The following KDM6A variants were observed in gnomAD, a reference collection of about 807,000 sequenced individuals.
The protein encoded by KDM6A is lysine-specific demethylase 6A.
Under a neutral mutation model 117.6 loss-of-function variants are expected in KDM6A, and 11 were observed. That is an observed-to-expected ratio of 0.09 (90% confidence interval 0.06 to 0.15). KDM6A has a LOEUF of 0.15. Ranked by LOEUF, KDM6A falls within the 10% of genes least tolerant of loss-of-function variation. The probability of loss-of-function intolerance (pLI) is 1.00; values close to 1 mark genes in which losing one functional copy is unlikely to be tolerated. For synonymous variants in KDM6A, 384 were observed against 396.1 expected, an observed-to-expected ratio of 0.97 and a Z score of 0.36; for missense variants, 799 against 1,077.3, an observed-to-expected ratio of 0.74 and a Z score of 3.62.
intron 2 of KDM6A, among the ~76,000 whole-genome samples, chrX:44,945,145 GAC>G (rs1490404485): frequency 9.0e-6 from 1 of 111,408 alleles, no homozygotes; most frequent in East Asian, 2.8e-4. Flanking sequence ...ACTGTAGGTT[GAC>G]AGAGTCGCCT....
At chrX:44,877,964 G>A (rs751889559) in intron 2 of KDM6A, among the ~76,000 whole-genome samples, 21 of 111,361 alleles carry the variant, frequency 1.9e-4, no homozygotes, top group Admixed American at 2.9e-4. Context: ...GGCGTGTTTG[G>A]TAGGGGAAAT....
intron 2 of KDM6A, among the ~76,000 whole-genome samples, chrX:44,918,502 T>G (rs2035699481): frequency 9.0e-6 from 1 of 111,551 alleles, no homozygotes; most frequent in South Asian, 3.7e-4. Flanking sequence ...TATTTTGATA[T>G]AGGGTTATCA....
At chrX:45,059,167 T>C (rs2044205396) in intron 11 of KDM6A, 63 bp downstream of exon 11, 1 of 1,158,216 alleles carries the variant, frequency 8.6e-7, no homozygotes, top group Admixed American at 2.2e-5. Flanking sequence ...GCATCACATA[T>C]AGTACTTCAT....
At chrX:45,036,485 G>A (rs1444237566) in intron 7 of KDM6A, among the ~76,000 whole-genome samples, 2 of 111,955 alleles carry the variant, frequency 1.8e-5, no homozygotes, top group Admixed American at 1.9e-4. Context: ...TCAGGATCCA[G>A]TACTGATTAG....
intron 2 of KDM6A, among the ~76,000 whole-genome samples, chrX:44,933,260 A>ATTTTTTTTTTTTTTTTTTTTTTTTTTTTT: frequency 2.7e-5 from 1 of 36,541 alleles, no homozygotes; most frequent in Non-Finnish European, 4.5e-5. Flanking sequence ...GTTTATGTTG[A>ATTTTTTTTTTTTTTTTTTTTTTTTTTTTT]TTTTTTTTTT....
intron 2 of KDM6A, among the ~76,000 whole-genome samples, chrX:44,936,835 G>A (rs2036996704): frequency 8.9e-6 from 1 of 112,091 alleles, no homozygotes; most frequent in Non-Finnish European, 1.9e-5. Context: ...TTTTCCACTT[G>A]TGGCATCATG....
At chrX:44,999,188 G>A (rs868582443) in intron 4 of KDM6A, among the ~76,000 whole-genome samples, 28 of 111,848 alleles carry the variant, frequency 2.5e-4, no homozygotes, top group African/African-American at 8.8e-4. Context: ...AAGTTTCGGT[G>A]CCGCAAAAGA....
chrX:45,037,037 G>T (rs1265033923), intron 7 of KDM6A, among the ~76,000 whole-genome samples: 1 of 112,506 alleles, frequency 8.9e-6, no homozygotes, highest in African/African-American at 3.2e-5. Context: ...CAGTTTAGTA[G>T]ATTTGGATAG....
At chrX:45,039,312 T>C (rs903603791) in intron 8 of KDM6A, among the ~76,000 whole-genome samples, 2 of 109,901 alleles carry the variant, frequency 1.8e-5, no homozygotes, top group African/African-American at 6.6e-5. Flanking sequence ...AGCAGAAGTT[T>C]TTTTAACCTT....
At chrX:44,974,615 A>G in intron 3 of KDM6A, 51 bp from the exon 4 acceptor site, 1 of 843,580 alleles carries the variant, frequency 1.2e-6, no homozygotes, top group Non-Finnish European at 1.8e-6. Context: ...TAAGTGTATT[A>G]TTGACTTTAA....
intron 26 of KDM6A, 86 bp from the exon 27 acceptor site, chrX:45,090,637 A>G (rs2045854542): frequency 1.0e-6 from 1 of 993,332 alleles, no homozygotes; most frequent in African/African-American, 1.9e-5. Flanking sequence ...ATTGATGTTG[A>G]AGATATCACC....
chrX:45,098,588 C>T (rs1304596489), intron 27 of KDM6A, among the ~76,000 whole-genome samples: 2 of 112,289 alleles, frequency 1.8e-5, no homozygotes, highest in Admixed American at 1.9e-4. Context: ...TTGAATTGCT[C>T]CTACAAGATT....
chrX:45,098,846 G>T (rs1175632602), intron 27 of KDM6A, among the ~76,000 whole-genome samples: 1 of 111,533 alleles, frequency 9.0e-6, no homozygotes, highest in East Asian at 2.8e-4. Flanking sequence ...AACTATGATG[G>T]TTTTTCTAGG....
At chrX:45,015,166 A>T (rs1341393971) in intron 5 of KDM6A, among the ~76,000 whole-genome samples, 1 of 110,078 alleles carries the variant, frequency 9.1e-6, no homozygotes, top group Non-Finnish European at 1.9e-5. Context: ...TAGTGGCACA[A>T]TCACGGCCCA....
chrX:45,003,619 T>TTATAATTA (rs2041265716), intron 4 of KDM6A, among the ~76,000 whole-genome samples: 1 of 110,487 alleles, frequency 9.1e-6, no homozygotes, highest in South Asian at 3.8e-4. Context: ...GGAGAAGACC[T>TTATAATTA]TCAATTATCA....
At chrX:44,987,576 T>G (rs1309991069) in intron 4 of KDM6A, among the ~76,000 whole-genome samples, 2 of 112,055 alleles carry the variant, frequency 1.8e-5, no homozygotes, top group Non-Finnish European at 3.8e-5. Flanking sequence ...CAGTGCTTCC[T>G]TCAGGAGCTC....
At chrX:45,032,389 C>A (rs1284823158) in intron 6 of KDM6A, among the ~76,000 whole-genome samples, 1 of 111,575 alleles carries the variant, frequency 9.0e-6, no homozygotes, top group Non-Finnish European at 1.9e-5. Flanking sequence ...GTCATGTTAT[C>A]CCTACCCCGG....
rs760984975 is a variant in KDM6A at position 44,903,384 on chromosome X, A to C, written c.225+29397A>C. 1.7e-4 allele frequency among the ~76,000 whole-genome samples: 19 copies of C among 111,981 alleles called. No homozygotes were observed. In the South Asian group the frequency reaches 7.0e-3, roughly 41 times the overall value. ...TCTTTCGTGTTTTCAAGATTCTGTC[A>C]TTGTCTTTTGACAGTTTGACTATAA... On this transcript the variant is annotated intron_variant, in intron 2 of 29. Coordinates refer to ENST00000611820, the MANE Select transcript of KDM6A (RefSeq NM_001291415.2).
chrX:45,103,655 C>G (rs1206884751), intron 27 of KDM6A, among the ~76,000 whole-genome samples: 2 of 112,065 alleles, frequency 1.8e-5, no homozygotes, highest in African/African-American at 6.5e-5. Context: ...TGAAGTTGTT[C>G]TCTAAAATTC....
Sources: allele counts gnomAD v4.1 joint callset (sites outside exome capture counted in the v4.1 genomes callset), GRCh38; gene constraint gnomAD v4.1.1; transcripts MANE v1.5; gene names NCBI Gene and HGNC (gene_info 2026-07-23, HGNC 2026-07-21).